Variants in TFG observed in about 807,000 individuals in gnomAD.
The protein encoded by TFG is protein TFG.
TFG carries 22 observed loss-of-function variants against 51.4 expected under a neutral mutation model. That is an observed-to-expected ratio of 0.43 (90% CI 0.31 to 0.61). The LOEUF is 0.61. TFG is among the 20% of genes least tolerant of loss of function. The pLI is 0.12. For missense variants in TFG, 419 were observed against 487.7 expected (o/e 0.86, Z 1.33); for synonymous variants, 187 against 165.6 (o/e 1.13, Z -0.99).
At chr3:100,720,188 G>A (rs2095056885) in intron 3 of TFG, 130 bp downstream of exon 3, 2 of 555,672 alleles carry the variant, frequency 3.6e-6, no homozygotes, top group Admixed American at 7.7e-5. Flanking sequence ...TTTGTGTTCA[G>A]GTAGTTGTTT....
chr3:100,730,350 A>G (rs1336623749), intron 4 of TFG, among the ~76,000 whole-genome samples: 1 of 152,118 alleles, frequency 6.6e-6, no homozygotes, highest in East Asian at 1.9e-4. Context: ...TATTTTTTAT[A>G]CATACTGTTA....
At position 100,728,758 on chromosome 3, in the gene TFG, C is replaced by T. The variant is rs1559713853; in HGVS notation, c.315C>T (p.Leu105=). Residue 105 remains leucine, a synonymous_variant, in exon 4 of 8, where the codon CTC becomes CTT. Coordinates refer to ENST00000240851, the MANE Select transcript of TFG (RefSeq NM_006070.6). ...TTGAATCAAGTCAGGTGAAATATCT[C>T]CGTCGAGAACTGATAGAACTTCGAA... ...RPLESSQVKY[L]RRELIELRNK... is the part of the protein sequence containing the mutation. 6.2e-7 allele frequency: 1 copy of T among 1,611,900 alleles called. No individual in the cohort carries two copies.
intron 7 of TFG, among the ~76,000 whole-genome samples, chr3:100,745,794 C>T (rs2095133242): frequency 6.6e-6 from 1 of 152,124 alleles, no homozygotes; most frequent in South Asian, 2.1e-4. Context: ...GGACTATTGC[C>T]TGTTTTTTTG....
At chr3:100,738,769 C>A (rs2095113423) in intron 6 of TFG, among the ~76,000 whole-genome samples, 1 of 152,112 alleles carries the variant, frequency 6.6e-6, no homozygotes, top group Non-Finnish European at 1.5e-5. Flanking sequence ...TGATCTAATT[C>A]TAGATCAGTG....
upstream of TFG, chr3:100,709,460 A>T (rs2095022656): frequency 6.6e-6 from 1 of 152,258 alleles, no homozygotes; most frequent in Admixed American, 6.5e-5. Context: ...AGGAGGGGCG[A>T]AAGGACATTT....
intron 1 of TFG, among the ~76,000 whole-genome samples, chr3:100,712,152 A>G (rs1293224718): frequency 2.0e-5 from 3 of 152,204 alleles, no homozygotes; most frequent in African/African-American, 7.2e-5. Context: ...TGTTGAGAGC[A>G]TGGTGAGGGG....
chr3:100,727,006 T>C (rs1457659464), intron 3 of TFG, among the ~76,000 whole-genome samples: 1 of 152,240 alleles, frequency 6.6e-6, no homozygotes, highest in Non-Finnish European at 1.5e-5. Flanking sequence ...GTTACTCATA[T>C]TAGCCAGGAT....
At chr3:100,711,416 C>T (rs2095031074) in intron 1 of TFG, among the ~76,000 whole-genome samples, 1 of 152,110 alleles carries the variant, frequency 6.6e-6, no homozygotes, top group Non-Finnish European at 1.5e-5. Flanking sequence ...ATTTTAAATC[C>T]ATTGAAATTG....
chr3:100,711,874 A>G (rs1003723858), intron 1 of TFG, among the ~76,000 whole-genome samples: 1 of 152,110 alleles, frequency 6.6e-6, no homozygotes, highest in African/African-American at 2.4e-5. Flanking sequence ...TAGGTATTTA[A>G]TAAGTAGTTC....
chr3:100,745,198 C>T (rs573963306), intron 7 of TFG, among the ~76,000 whole-genome samples: 85 of 152,182 alleles, frequency 5.6e-4, no homozygotes, highest in Non-Finnish European at 7.2e-4. Context: ...ACAAAGCTGT[C>T]TTACTAACAT....
At position 100,748,543 on chromosome 3, in the gene TFG, T is replaced by C; in HGVS notation, c.*12T>C. 1.9e-6 allele frequency: 3 copies of C among 1,592,772 alleles called. No homozygotes were observed. Among genetic ancestry groups the C allele is most frequent in the East Asian group, 2.2e-5 (1 of 44,482 alleles). ...CTGGTTATCGATAAGGAGGCTCCTC[T>C]ACACCAATTAATGTAGCTGCTAGCT... On this transcript the variant is annotated 3_prime_UTR_variant, in exon 8 of 8. Transcript: ENST00000240851.
At chr3:100,736,357 T>G (rs747459358) in intron 5 of TFG, among the ~76,000 whole-genome samples, 3 of 152,144 alleles carry the variant, frequency 2.0e-5, no homozygotes, top group Non-Finnish European at 4.4e-5. Flanking sequence ...AATATAGTAC[T>G]CTACACTTTA....
rs374160782 is a variant in TFG, at chr3:100,725,943, G to A, written c.269-2769G>A. Among the ~76,000 whole-genome samples, 6 of 152,300 alleles carry A rather than the reference G, an allele frequency of 3.9e-5. 1 individual carries two copies. Among genetic ancestry groups the A allele is most frequent in the African/African-American group, 1.4e-4 (6 of 41,558 alleles). Reference sequence around the variant, plus strand: ...TATGTGTGCTAGGGTTCTCCAGAGGGATGGAACCAATAAGATACATGGGAG... The same window carrying A: ...TATGTGTGCTAGGGTTCTCCAGAGGAATGGAACCAATAAGATACATGGGAG... On this transcript the variant is annotated intron_variant, in intron 3 of 7. Transcript: ENST00000240851.
chr3:100,716,440 G>C (rs961327900), intron 2 of TFG, among the ~76,000 whole-genome samples: 2 of 152,092 alleles, frequency 1.3e-5, no homozygotes, highest in African/African-American at 4.8e-5. Context: ...CAGTTAATCT[G>C]TTGTTAGACA....
At chr3:100,719,238 G>A (rs1186842129) in intron 2 of TFG, among the ~76,000 whole-genome samples, 1 of 152,298 alleles carries the variant, frequency 6.6e-6, no homozygotes, top group South Asian at 2.1e-4. Context: ...CCACCCAACT[G>A]TTTGTGAAGA....
intron 3 of TFG, among the ~76,000 whole-genome samples, chr3:100,726,418 C>CA (rs1162398821): frequency 6.6e-6 from 1 of 152,204 alleles, no homozygotes; most frequent in Non-Finnish European, 1.5e-5. Context: ...AACACCCTCA[C>CA]AGACACACCC....
At chr3:100,722,169 C>T (rs957241188) in intron 3 of TFG, among the ~76,000 whole-genome samples, 2 of 151,772 alleles carry the variant, frequency 1.3e-5, no homozygotes, top group South Asian at 2.1e-4. Context: ...CAAAACAAAA[C>T]GAGAACATAA....
intron 4 of TFG, among the ~76,000 whole-genome samples, chr3:100,730,927 G>A (rs2095089832): frequency 6.6e-6 from 1 of 152,224 alleles, no homozygotes. Context: ...CTTGGGATTA[G>A]AGGAAGGAAG....
chr3:100,717,087 G>A (rs1466176934), intron 2 of TFG, among the ~76,000 whole-genome samples: 1 of 152,070 alleles, frequency 6.6e-6, no homozygotes, highest in Admixed American at 6.6e-5. Context: ...CACTTTTGAG[G>A]TCTTATTCAT....
Sources: allele counts gnomAD v4.1 joint callset (sites outside exome capture counted in the v4.1 genomes callset), GRCh38; gene constraint gnomAD v4.1.1; transcripts MANE v1.5; gene names NCBI Gene and HGNC (gene_info 2026-07-23, HGNC 2026-07-21).